PKD1L1: variants seen among roughly 807,000 people sequenced by gnomAD.
PKD1L1 encodes the protein polycystin-1-like protein 1.
In PKD1L1, 236 loss-of-function variants were observed where a neutral mutation model predicts 323.4. That is an observed-to-expected ratio of 0.73 (90% confidence interval 0.66 to 0.81). The LOEUF (loss-of-function observed/expected upper bound fraction) is 0.81, where lower values mean the gene tolerates loss of function less well. Among genes scored for constraint, PKD1L1 ranks in the 40% least tolerant of loss-of-function variants. The pLI is 0.00. For missense variants in PKD1L1, 3,320 were observed against 3,508.0 expected (o/e 0.95, Z 1.35); for synonymous variants, 1,344 against 1,335.0 (o/e 1.01, Z -0.15).
the PKD1L1 span, among the ~76,000 whole-genome samples, chr7:47,954,981 G>A: frequency 7.2e-5 from 11 of 152,156 alleles, no homozygotes; most frequent in Non-Finnish European, 1.5e-4. Flanking sequence ...ACATTTTCTC[G>A]TGCTACCCAC....
At chr7:47,854,767 G>C in intron 30 of PKD1L1, 115 bp downstream of exon 30, 1 of 1,267,778 alleles carries the variant, frequency 7.9e-7, no homozygotes, top group Middle Eastern at 2.1e-4. Context: ...TTTAAACAAT[G>C]AGCCTCATTA....
intron 6 of PKD1L1, among the ~76,000 whole-genome samples, chr7:47,930,794 G>GTC (rs1389116299): frequency 5.6e-4 from 86 of 152,294 alleles, no homozygotes; most frequent in African/African-American, 2.0e-3. Context: ...CAGCTTGGGT[G>GTC]ACAGAGCGAG....
At chr7:47,869,802 A>T (rs111514923) in intron 24 of PKD1L1, among the ~76,000 whole-genome samples, 1 of 152,300 alleles carries the variant, frequency 6.6e-6, no homozygotes, top group African/African-American at 2.4e-5. Flanking sequence ...TCAAGTGCAC[A>T]TGGGACATTT....
chr7:47,938,238 A>G (rs923804688), intron 3 of PKD1L1, among the ~76,000 whole-genome samples: 4 of 152,182 alleles, frequency 2.6e-5, no homozygotes, highest in South Asian at 2.1e-4. Flanking sequence ...ACTACAGGAC[A>G]TCAGGTGCTT....
intron 42 of PKD1L1, among the ~76,000 whole-genome samples, chr7:47,830,400 G>A (rs543846723): frequency 6.6e-6 from 1 of 152,356 alleles, no homozygotes; most frequent in East Asian, 1.9e-4. Flanking sequence ...ACAGAGAGGG[G>A]AAGGGGGAGG....
chr7:47,841,123 G>C (rs555967115), intron 34 of PKD1L1, among the ~76,000 whole-genome samples: 25 of 152,244 alleles, frequency 1.6e-4, no homozygotes, highest in Non-Finnish European at 3.4e-4. Flanking sequence ...TTCCTTACTC[G>C]AAAGTGTATA....
chr7:47,783,003 G>A (rs748489242), intron 56 of PKD1L1, among the ~76,000 whole-genome samples: 88 of 152,234 alleles, frequency 5.8e-4, no homozygotes, highest in Non-Finnish European at 7.6e-4. Flanking sequence ...GGATTCTTAC[G>A]TGATTTTATC....
chr7:47,861,880 C>CAAAAAAA (rs60918464), intron 26 of PKD1L1, among the ~76,000 whole-genome samples: 2 of 43,900 alleles, frequency 4.6e-5, no homozygotes, highest in Non-Finnish European at 7.4e-5. Flanking sequence ...GACTCTGTCT[C>CAAAAAAA]AAAAAAAAAA....
intron 2 of PKD1L1, among the ~76,000 whole-genome samples, chr7:47,942,499 A>T (rs1480945286): frequency 3.5e-5 from 5 of 144,820 alleles, no homozygotes; most frequent in East Asian, 2.1e-4. Context: ...AAATTTTTTT[A>T]AATTTAATTT....
intron 56 of PKD1L1, among the ~76,000 whole-genome samples, chr7:47,782,626 A>G (rs528895741): frequency 6.6e-6 from 1 of 152,204 alleles, no homozygotes; most frequent in African/African-American, 2.4e-5. Context: ...AAATCTCCAC[A>G]CTGGTGTAGT....
intron 21 of PKD1L1, among the ~76,000 whole-genome samples, chr7:47,879,429 C>T (rs1211463080): frequency 1.3e-5 from 2 of 151,876 alleles, no homozygotes; most frequent in South Asian, 2.1e-4. Context: ...GTCATGAGTT[C>T]GAGACCAGCC....
At chr7:47,908,844 CCTCT>C (rs1787261720) in intron 8 of PKD1L1, among the ~76,000 whole-genome samples, 1 of 152,176 alleles carries the variant, frequency 6.6e-6, no homozygotes, top group Admixed American at 6.5e-5. Context: ...TGGGGCTTGC[CCTCT>C]CTTTCTTGTC....
intron 41 of PKD1L1, among the ~76,000 whole-genome samples, chr7:47,831,765 C>T (rs1473257478): frequency 6.6e-6 from 1 of 152,232 alleles, no homozygotes; most frequent in East Asian, 1.9e-4. Flanking sequence ...TTCTGACCTG[C>T]ATAGGGACCT....
intron 53 of PKD1L1, 23 bp from the exon 54 acceptor site, chr7:47,800,902 G>A: frequency 6.3e-7 from 1 of 1,599,020 alleles, no homozygotes; most frequent in Middle Eastern, 1.7e-4. Context: ...AATCCAGAGA[G>A]CACTGACCTT....
chr7:47,812,058 A>C lies in PKD1L1; in HGVS notation c.7347-7T>G. ...GGCTGTGTGGGCTTCAGTCCTGTAA[A>C]ACAGCACACACTGGGGTAGGGCAGG... On this transcript the variant is annotated splice_region_variant and splice_polypyrimidine_tract_variant and intron_variant, in intron 49 of 56. Coordinates refer to ENST00000289672, the MANE Select transcript of PKD1L1 (RefSeq NM_138295.5). The C allele has an allele frequency of 6.4e-7, 1 of 1,554,200 alleles. No individual in the cohort carries two copies. Among genetic ancestry groups the C allele is most frequent in the Non-Finnish European group, 8.7e-7 (1 of 1,148,300 alleles).
In PKD1L1 at chr7:47,796,022, T is replaced by G; in HGVS notation, c.8322A>C (p.Pro2774=). The change falls in exon 55 of 57, where the codon CCA becomes CCC. Residue 2774 remains proline, a synonymous_variant. Coordinates refer to ENST00000289672, the MANE Select transcript of PKD1L1 (RefSeq NM_138295.5). The part of the protein sequence containing the change: ...KVLTFLRLET[P]KLEEAEMVEN... ...CAACCATCTCAGCCTCTTCCAACTT[T>G]GGTGTTTCCAGTCTCAGAAAGGTGA... 1 of 1,613,446 alleles carries G rather than the reference T, an allele frequency of 6.2e-7. No homozygotes were observed. Among genetic ancestry groups the G allele is most frequent in the Non-Finnish European group, 8.5e-7 (1 of 1,179,810 alleles).
intron 37 of PKD1L1, 97 bp downstream of exon 37, chr7:47,836,824 C>T: frequency 7.1e-7 from 1 of 1,407,178 alleles, no homozygotes. Flanking sequence ...TTAAACTTTT[C>T]TCGGAGAACT....
In PKD1L1 at chr7:47,809,548, G is replaced by A; in HGVS notation, c.7611C>T (p.His2537=). ...QLVFLALSLI[H]LCVQLYRMMD... is the part of the protein sequence containing the mutation. ...TCATACGGTAGAGTTGAACACAGAG[G>A]TGGATCAGGCTGAGTGCCAGGAAGA... Residue 2537 remains histidine, a synonymous_variant, in exon 51 of 57, where the codon CAC becomes CAT. Transcript: ENST00000289672. The A allele has an allele frequency of 3.7e-6, 6 of 1,606,954 alleles. No homozygotes were observed. Among genetic ancestry groups the A allele is most frequent in the East Asian group, 4.5e-5 (2 of 44,654 alleles).
chr7:47,913,858 C>T (rs1787373997), intron 8 of PKD1L1, among the ~76,000 whole-genome samples: 2 of 151,990 alleles, frequency 1.3e-5, no homozygotes, highest in South Asian at 4.2e-4. Flanking sequence ...CATGTTCTGA[C>T]AATGTAGAAA....
Sources: allele counts gnomAD v4.1 joint callset (sites outside exome capture counted in the v4.1 genomes callset), GRCh38; gene constraint gnomAD v4.1.1; transcripts MANE v1.5; gene names NCBI Gene and HGNC (gene_info 2026-07-23, HGNC 2026-07-21).